Variants in MMAA observed in about 807,000 individuals in gnomAD.
MMAA encodes methylmalonic aciduria type A protein, mitochondrial.
Under a neutral mutation model 45.0 loss-of-function variants are expected in MMAA, and 41 were observed. The ratio of observed to expected loss-of-function variants is 0.91; its 90% CI spans 0.71 to 1.18. The LOEUF (loss-of-function observed/expected upper bound fraction) is 1.18, where lower values mean the gene tolerates loss of function less well. Ranked by LOEUF, MMAA falls within the 50% of genes most tolerant of loss-of-function variation. The probability of loss-of-function intolerance (pLI) is 0.00; values close to 1 mark genes in which losing one functional copy is unlikely to be tolerated. For missense variants in MMAA, 460 were observed against 495.7 expected (o/e 0.93, Z 0.68); for synonymous variants, 154 against 178.2 (o/e 0.86, Z 1.08).
intron 1 of MMAA, among the ~76,000 whole-genome samples, chr4:145,636,072 G>A (rs1727598909): frequency 6.6e-6 from 1 of 152,160 alleles, no homozygotes; most frequent in African/African-American, 2.4e-5. Context: ...ATTAACTGGA[G>A]AATAAAATGA....
At chr4:145,620,574 G>A (rs1734070959) in intron 1 of MMAA, among the ~76,000 whole-genome samples, 1 of 152,156 alleles carries the variant, frequency 6.6e-6, no homozygotes, top group Non-Finnish European at 1.5e-5. Flanking sequence ...TGGGCCAGGT[G>A]CAACTAGTTT....
chr4:145,620,317 A>G (rs996120907), intron 1 of MMAA, among the ~76,000 whole-genome samples: 3 of 152,246 alleles, frequency 2.0e-5, no homozygotes, highest in Non-Finnish European at 4.4e-5. Flanking sequence ...ACATATCCAT[A>G]AGAAATGTAA....
chr4:145,656,951 C>G lies in MMAA; in HGVS notation c.*1517C>G, dbSNP rs1165632963. 1 of 152,176 alleles carries G rather than the reference C, an allele frequency of 6.6e-6. No individual in the cohort carries two copies. Among genetic ancestry groups the G allele is most frequent in the African/African-American group, 2.4e-5 (1 of 41,450 alleles). The allele number at this position is 152,176 out of a possible 1,614,324, so 9.4% of individuals were successfully genotyped here. A position where few individuals can be genotyped will look rare whatever the true frequency, so the allele number is the denominator to read the frequency against. On this transcript the variant is annotated 3_prime_UTR_variant, in exon 7 of 7. Coordinates refer to ENST00000649156, the MANE Select transcript of MMAA (RefSeq NM_172250.3). ...AAACTTTGAAAGGTTATCCACTTGACTTTTCTGATTTTAGAAAGGACTACC... is the reference window on the plus strand; with the variant it reads ...AAACTTTGAAAGGTTATCCACTTGAGTTTTCTGATTTTAGAAAGGACTACC...
chr4:145,655,035 T>C lies in MMAA; in HGVS notation c.970-112T>C. On this transcript the variant is annotated intron_variant, in intron 6 of 6. Transcript: ENST00000649156. Reference sequence around the variant, plus strand: ...ACACAGCAATAAAATCTCACTCTTGTCAATTGCCTATTTTTGTAGACCGTA... The same window carrying C: ...ACACAGCAATAAAATCTCACTCTTGCCAATTGCCTATTTTTGTAGACCGTA... 3.5e-6 allele frequency: 4 copies of C among 1,130,814 alleles called. No individual in the cohort carries two copies. The South Asian group carries it at 4.2e-5, about 12-fold the overall frequency. The allele number at this position is 1,130,814 out of a possible 1,614,324, so 70.0% of individuals were successfully genotyped here.
Position 145,655,609 on chromosome 4 carries a change from G to A in MMAA, c.*175G>A. ...AGATATGAATGGCAAAAGTTAGGCAGTATTTATAAGGTACCTGTTTTATGT... is the reference window on the plus strand; with the variant it reads ...AGATATGAATGGCAAAAGTTAGGCAATATTTATAAGGTACCTGTTTTATGT... On this transcript the variant is annotated 3_prime_UTR_variant, in exon 7 of 7. Transcript: ENST00000649156. The A allele has an allele frequency of 3.3e-6, 2 of 600,088 alleles. No individual in the cohort carries two copies. Among genetic ancestry groups the A allele is most frequent in the Non-Finnish European group, 5.7e-6 (2 of 350,734 alleles). The allele number at this position is 600,088 out of a possible 1,614,324, so 37.2% of individuals were successfully genotyped here.
rs550798043 is a variant in MMAA, at chr4:145,646,192, T to C, written c.733+36T>C. The C allele has an allele frequency of 3.7e-6, 6 of 1,611,500 alleles. No individual in the cohort carries two copies. The East Asian group carries it at 8.9e-5, about 24-fold the overall frequency. On this transcript the variant is annotated intron_variant, in intron 4 of 6. Coordinates refer to ENST00000649156, the MANE Select transcript of MMAA (RefSeq NM_172250.3). ...TATTCTATTTCATAACAATGTACTA[T>C]TTTATGAATGCTATATAAAGATGAG...
chr4:145,625,004 T>C (rs1734171853), intron 1 of MMAA: 1 of 947,640 alleles, frequency 1.1e-6, no homozygotes, highest in Non-Finnish European at 1.7e-6. Flanking sequence ...GACAAGCCAA[T>C]CATTCATATT....
rs1024171047 is a variant in MMAA at position 145,656,173 on chromosome 4, A to T, written c.*739A>T. 2.0e-5 allele frequency: 3 copies of T among 152,216 alleles called. No homozygotes were observed. The highest frequency in any genetic ancestry group is 4.4e-5 in the Non-Finnish European group (3 of 68,030). The allele number at this position is 152,216 out of a possible 1,614,324, so 9.4% of individuals were successfully genotyped here. ...AAAGTGAGGTCAGAATGATTCAAGGATTATTCAGTTTGAAGACTACCAAAG... is the reference window on the plus strand; with the variant it reads ...AAAGTGAGGTCAGAATGATTCAAGGTTTATTCAGTTTGAAGACTACCAAAG... On this transcript the variant is annotated 3_prime_UTR_variant, in exon 7 of 7. Coordinates refer to ENST00000649156, the MANE Select transcript of MMAA (RefSeq NM_172250.3).
chr4:145,642,211 T>C, intron 2 of MMAA, 152 bp from the exon 3 acceptor site: 1 of 879,458 alleles, frequency 1.1e-6, no homozygotes, highest in Non-Finnish European at 1.8e-6. Flanking sequence ...AACAGATTTT[T>C]ATTTGCCATT....
At chr4:145,626,128 C>A in intron 1 of MMAA, 1 of 526,350 alleles carries the variant, frequency 1.9e-6, no homozygotes, top group South Asian at 3.9e-5. Flanking sequence ...ACCTAGGGCC[C>A]AAAGCTGATT....
At chr4:145,642,545 G>A (rs2126620136) in intron 3 of MMAA, 60 bp downstream of exon 3, 4 of 1,609,788 alleles carry the variant, frequency 2.5e-6, no homozygotes, top group South Asian at 2.2e-5. Context: ...TTACAATTTA[G>A]TAGGAATTGG....
chr4:145,625,825 T>G lies in MMAA; in HGVS notation c.-66+6418T>G. On this transcript the variant is annotated intron_variant, in intron 1 of 6. Coordinates refer to ENST00000649156, the MANE Select transcript of MMAA (RefSeq NM_172250.3). ...TGATAGATGAGGTCCACCTGTTCAT[T>G]TAGTCACACCTCATGGCTTCTAAGA... 3 of 1,186,556 alleles carry G rather than the reference T, an allele frequency of 2.5e-6. No homozygotes were observed. The South Asian group carries it at 3.7e-5, about 15-fold the overall frequency. 73.5% of individuals were successfully genotyped at this position (1,186,556 alleles called of 1,614,324 possible).
chr4:145,632,186 A>G (rs531064564), intron 1 of MMAA, among the ~76,000 whole-genome samples: 33 of 152,302 alleles, frequency 2.2e-4, no homozygotes, highest in African/African-American at 7.7e-4. Flanking sequence ...CTTGTAGGAA[A>G]GGTTTGGTGT....
intron 1 of MMAA, among the ~76,000 whole-genome samples, chr4:145,632,476 G>A (rs927964866): frequency 6.6e-6 from 1 of 152,120 alleles, no homozygotes; most frequent in East Asian, 1.9e-4. Flanking sequence ...AGTGCCTTGA[G>A]GTAGTCTTTG....
chr4:145,648,729 A>G (rs1206573971), intron 4 of MMAA, among the ~76,000 whole-genome samples: 1 of 152,242 alleles, frequency 6.6e-6, no homozygotes, highest in Non-Finnish European at 1.5e-5. Flanking sequence ...CCCAGCCTGT[A>G]ATCCCAGCAC....
chr4:145,647,187 G>A (rs1727948560), intron 4 of MMAA, among the ~76,000 whole-genome samples: 3 of 152,102 alleles, frequency 2.0e-5, no homozygotes, highest in Admixed American at 1.3e-4. Flanking sequence ...AAGATAAATG[G>A]GCAGGATTTT....
At chr4:145,653,918 G>T in intron 5 of MMAA, 76 bp from the exon 6 acceptor site, 1 of 1,467,858 alleles carries the variant, frequency 6.8e-7, no homozygotes, top group Non-Finnish European at 9.5e-7. Flanking sequence ...TGAAATGTAT[G>T]ACTTTCAAAA....
chr4:145,627,049 G>A (rs982717141), intron 1 of MMAA, among the ~76,000 whole-genome samples: 1 of 152,196 alleles, frequency 6.6e-6, no homozygotes. Flanking sequence ...AGAAGGCAGA[G>A]AACTGCAATC....
chr4:145,654,109 T>TA lies in MMAA; in HGVS notation c.936dup (p.Leu313ThrfsTer25). 1 of 1,614,184 alleles carries TA rather than the reference T, an allele frequency of 6.2e-7. No homozygotes were observed. The highest frequency in any genetic ancestry group is 8.5e-7 in the Non-Finnish European group (1 of 1,180,008). On this transcript the variant is annotated frameshift_variant, in exon 6 of 7. Coordinates refer to ENST00000649156, the MANE Select transcript of MMAA (RefSeq NM_172250.3). LOFTEE classifies it high-confidence loss of function. ...GCGGAATATGTGAGTGCACTGAAAT[T>TA]ACTCCGCAAACGTTCACAAGTCTGG... is the stretch of plus-strand genomic sequence containing the variant.
Sources: gnomAD v4.1 joint callset for allele counts (sites outside exome capture counted in the v4.1 genomes callset) on GRCh38, gnomAD v4.1.1 for gene constraint, MANE v1.5 for transcripts, NCBI Gene and HGNC (gene_info 2026-07-23, HGNC 2026-07-21) for gene names.